Variants in SPEF2 observed in about 807,000 individuals in gnomAD.
SPEF2 encodes the protein sperm flagella and cilia-associated protein 2.
SPEF2 carries 187 observed loss-of-function variants against 224.6 expected under a neutral mutation model. The observed-to-expected ratio is 0.83, with a 90% CI of 0.74 to 0.94. The LOEUF (loss-of-function observed/expected upper bound fraction) is 0.94. SPEF2 is among the 40% of genes least tolerant of loss of function. The probability of loss-of-function intolerance (pLI) is 0.00; values close to 1 mark genes in which losing one functional copy is unlikely to be tolerated. For synonymous variants in SPEF2, 715 were observed against 707.3 expected (o/e 1.01, Z -0.17); for missense variants, 2,170 against 2,135.6 (o/e 1.02, Z -0.32).
At chr5:35,742,574 A>T (rs1385361361) in intron 23 of SPEF2, among the ~76,000 whole-genome samples, 1 of 151,986 alleles carries the variant, frequency 6.6e-6, no homozygotes, top group Non-Finnish European at 1.5e-5. Flanking sequence ...ATGGGTAAAA[A>T]TATGAATATA....
At chr5:35,690,002 T>G (rs1480416646) in intron 10 of SPEF2, among the ~76,000 whole-genome samples, 1 of 152,166 alleles carries the variant, frequency 6.6e-6, no homozygotes, top group Non-Finnish European at 1.5e-5. Flanking sequence ...CCATTTTTAT[T>G]TTTACAAGTT....
intron 18 of SPEF2, 128 bp from the exon 19 acceptor site, chr5:35,708,820 C>A (rs1459598481): frequency 1.2e-6 from 1 of 826,664 alleles, no homozygotes; most frequent in Non-Finnish European, 1.9e-6. Flanking sequence ...TAAGGGAAAG[C>A]CCTAAAGCAT....
intron 30 of SPEF2, among the ~76,000 whole-genome samples, chr5:35,781,984 G>A (rs1237021771): frequency 6.6e-6 from 1 of 152,020 alleles, no homozygotes; most frequent in Non-Finnish European, 1.5e-5. Context: ...ATTGACAATG[G>A]CCCTGCCTGA....
At chr5:35,760,137 A>G (rs6414878) in intron 25 of SPEF2, among the ~76,000 whole-genome samples, 138,918 of 151,990 alleles carry the variant, frequency 0.91, 63,622 homozygotes, top group South Asian at 0.99. Context: ...CGAGGCAGGC[A>G]GATCACGAGG....
At chr5:35,674,300 C>A (rs1294725432) in intron 10 of SPEF2, among the ~76,000 whole-genome samples, 1 of 148,396 alleles carries the variant, frequency 6.7e-6, no homozygotes, top group Non-Finnish European at 1.5e-5. Flanking sequence ...TCTCACAGGG[C>A]AGAGAGAAAC....
chr5:35,685,528 C>G (rs913337126), intron 10 of SPEF2, among the ~76,000 whole-genome samples: 3 of 152,028 alleles, frequency 2.0e-5, no homozygotes, highest in Admixed American at 6.6e-5. Context: ...CCTAAACAAA[C>G]TTTTCTTACT....
rs748687806 is a variant in SPEF2, at chr5:35,779,366, T to G, written c.4447+20T>G. 5 of 1,560,714 alleles carry G rather than the reference T, an allele frequency of 3.2e-6. No individual in the cohort carries two copies. In the South Asian group the frequency reaches 5.9e-5, roughly 18 times the overall value. ...CTAAAGGTAGGAAAAATAATTATCA[T>G]GAAAAGAGCACAAAAAAAGGTTAAG... On this transcript the variant is annotated intron_variant, in intron 30 of 36. Transcript: ENST00000356031.
intron 6 of SPEF2, among the ~76,000 whole-genome samples, chr5:35,654,191 C>T (rs547720491): frequency 2.7e-5 from 4 of 150,254 alleles, no homozygotes; most frequent in South Asian, 4.2e-4. Context: ...ACCCAGGAGG[C>T]GGAGGTTGCA....
chr5:35,808,027 T>G, intron 36 of SPEF2: 1 of 1,174,936 alleles, frequency 8.5e-7, no homozygotes, highest in East Asian at 4.1e-5. Context: ...ATAAAAGCGC[T>G]TTCACTTTGA....
intron 20 of SPEF2, among the ~76,000 whole-genome samples, chr5:35,718,504 A>G (rs6870156): frequency 0.74 from 112,676 of 151,940 alleles, 42,284 homozygotes; most frequent in Middle Eastern, 0.83. Flanking sequence ...GGGTACATGA[A>G]GGAGAGGGAA....
intron 10 of SPEF2, among the ~76,000 whole-genome samples, chr5:35,673,589 A>G (rs1325449679): frequency 1.3e-5 from 2 of 152,164 alleles, no homozygotes; most frequent in South Asian, 2.1e-4. Flanking sequence ...TGGAATTTCT[A>G]TAATTTGGGG....
intron 2 of SPEF2, among the ~76,000 whole-genome samples, chr5:35,635,225 T>G (rs1745667094): frequency 6.6e-6 from 1 of 152,158 alleles, no homozygotes; most frequent in Non-Finnish European, 1.5e-5. Flanking sequence ...GAACTCTTAT[T>G]GTGAATGTTT....
At chr5:35,649,203 A>G (rs1277763412) in intron 5 of SPEF2, among the ~76,000 whole-genome samples, 158 bp from the exon 6 acceptor site, 1 of 152,060 alleles carries the variant, frequency 6.6e-6, no homozygotes, top group Non-Finnish European at 1.5e-5. Flanking sequence ...AAAGCAACAA[A>G]TCAAAATTAT....
intron 16 of SPEF2, among the ~76,000 whole-genome samples, chr5:35,701,887 G>A (rs1327658719): frequency 6.6e-6 from 1 of 152,110 alleles, no homozygotes; most frequent in African/African-American, 2.4e-5. Context: ...GCTGAGGTGG[G>A]AGGATCACTT....
chr5:35,659,767 A>G (rs938236269), intron 8 of SPEF2, among the ~76,000 whole-genome samples: 1 of 151,796 alleles, frequency 6.6e-6, no homozygotes, highest in Non-Finnish European at 1.5e-5. Flanking sequence ...TTAAAAGTTC[A>G]CTAAGTTTAC....
At chr5:35,734,525 C>T (rs1746206813) in intron 21 of SPEF2, among the ~76,000 whole-genome samples, 1 of 152,178 alleles carries the variant, frequency 6.6e-6, no homozygotes, top group Non-Finnish European at 1.5e-5. Context: ...GGGCCACATT[C>T]AAAGCTGTCA....
intron 2 of SPEF2, among the ~76,000 whole-genome samples, chr5:35,631,722 C>T (rs576511928): frequency 1.3e-5 from 2 of 152,266 alleles, no homozygotes; most frequent in South Asian, 2.1e-4. Flanking sequence ...CCTCTGTATC[C>T]ATGATTTCCA....
intron 25 of SPEF2, 80 bp downstream of exon 25, chr5:35,759,799 A>T: frequency 1.5e-6 from 2 of 1,309,564 alleles, no homozygotes; most frequent in Non-Finnish European, 2.0e-6. Flanking sequence ...CACTAATAAA[A>T]ATCACACTCC....
At chr5:35,677,596 G>C (rs1251856634) in intron 10 of SPEF2, among the ~76,000 whole-genome samples, 1 of 152,198 alleles carries the variant, frequency 6.6e-6, no homozygotes, top group African/African-American at 2.4e-5. Flanking sequence ...TGCCTTGGAA[G>C]GGCCATGGTG....
Sources: allele counts gnomAD v4.1 joint callset (sites outside exome capture counted in the v4.1 genomes callset), GRCh38; gene constraint gnomAD v4.1.1; transcripts MANE v1.5; gene names NCBI Gene and HGNC (gene_info 2026-07-23, HGNC 2026-07-21).